AGBL4: variants seen among roughly 807,000 people sequenced by gnomAD.
The protein encoded by AGBL4 is AGBL carboxypeptidase 4.
Under a neutral mutation model 66.4 loss-of-function variants are expected in AGBL4, and 58 were observed. That is an observed-to-expected ratio of 0.87 (90% CI 0.71 to 1.09). AGBL4 has a LOEUF of 1.09. Ranked by LOEUF, AGBL4 falls within the 50% of genes least tolerant of loss-of-function variation. The probability of loss-of-function intolerance (pLI) is 0.00; values close to 1 mark genes in which losing one functional copy is unlikely to be tolerated. For missense variants in AGBL4, 579 were observed against 631.0 expected, an observed-to-expected ratio of 0.92 and a Z score of 0.88; for synonymous variants, 234 against 222.9, an observed-to-expected ratio of 1.05 and a Z score of -0.44.
chr1:48,624,435 C>A (rs1189034364), intron 9 of AGBL4, among the ~76,000 whole-genome samples: 1 of 152,144 alleles, frequency 6.6e-6, no homozygotes, highest in East Asian at 1.9e-4. Context: ...ATGAAAAAGA[C>A]ACAATTTTTG....
intron 5 of AGBL4, among the ~76,000 whole-genome samples, chr1:48,886,889 G>C (rs182652744): frequency 6.6e-6 from 1 of 152,248 alleles, no homozygotes; most frequent in Non-Finnish European, 1.5e-5. Flanking sequence ...CACCATATTA[G>C]CTTCCAGTCT....
chr1:49,845,816 C>G, intron 2 of AGBL4: 1 of 1,532,504 alleles, frequency 6.5e-7, no homozygotes, highest in East Asian at 2.3e-5. Flanking sequence ...CGGATGCACA[C>G]AGGAGAGAAG....
chr1:49,997,842 A>G (rs753853120), intron 1 of AGBL4, among the ~76,000 whole-genome samples: 27 of 152,306 alleles, frequency 1.8e-4, no homozygotes, highest in Non-Finnish European at 3.5e-4. Flanking sequence ...GAAAATCAAA[A>G]TTATATCAAG....
chr1:48,802,157 G>T (rs1645824858), intron 6 of AGBL4, among the ~76,000 whole-genome samples: 1 of 152,168 alleles, frequency 6.6e-6, no homozygotes, highest in African/African-American at 2.4e-5. Context: ...CTTACCACTT[G>T]CTTCTCCTTA....
chr1:48,616,866 TG>T (rs1235258944), intron 9 of AGBL4, among the ~76,000 whole-genome samples: 1 of 152,242 alleles, frequency 6.6e-6, no homozygotes, highest in Admixed American at 6.5e-5. Flanking sequence ...ACATGCTCCC[TG>T]GGTCCTTCGT....
intron 4 of AGBL4, among the ~76,000 whole-genome samples, chr1:49,120,852 T>A (rs966436898): frequency 3.3e-5 from 5 of 152,206 alleles, no homozygotes; most frequent in Non-Finnish European, 1.5e-5. Context: ...CAATCCAACA[T>A]AGATTTGGTC....
chr1:48,964,318 C>T (rs575955696), intron 5 of AGBL4, among the ~76,000 whole-genome samples: 1 of 151,832 alleles, frequency 6.6e-6, no homozygotes, highest in South Asian at 2.1e-4. Flanking sequence ...CTTGGTTTAT[C>T]CAAATCTGTG....
intron 3 of AGBL4, among the ~76,000 whole-genome samples, chr1:49,374,978 CTT>C (rs1644442364): frequency 6.6e-6 from 1 of 152,032 alleles, no homozygotes; most frequent in Non-Finnish European, 1.5e-5. Flanking sequence ...ATTTCTATTG[CTT>C]TACCTTTGAC....
intron 3 of AGBL4, among the ~76,000 whole-genome samples, chr1:49,342,576 A>G (rs1477721822): frequency 6.6e-6 from 1 of 152,122 alleles, no homozygotes; most frequent in African/African-American, 2.4e-5. Flanking sequence ...TAAGGCCTAA[A>G]AGTTATCTTG....
At chr1:48,949,103 C>G (rs985541846) in intron 5 of AGBL4, among the ~76,000 whole-genome samples, 1 of 152,148 alleles carries the variant, frequency 6.6e-6, no homozygotes, top group African/African-American at 2.4e-5. Flanking sequence ...CCCTTGCCCA[C>G]TTCAAGTATC....
At chr1:48,822,025 A>G (rs1349733669) in intron 6 of AGBL4, among the ~76,000 whole-genome samples, 1 of 152,130 alleles carries the variant, frequency 6.6e-6, no homozygotes, top group African/African-American at 2.4e-5. Context: ...ACTACTAAAC[A>G]CTCACTGGAG....
intron 6 of AGBL4, among the ~76,000 whole-genome samples, chr1:48,849,338 G>A (rs114040410): frequency 0.012 from 1,783 of 152,262 alleles, 32 homozygotes; most frequent in African/African-American, 0.041. Flanking sequence ...TATATTGGCC[G>A]ATGTTTCAAC....
chr1:48,704,379 C>G (rs1646849526), intron 6 of AGBL4, among the ~76,000 whole-genome samples: 1 of 152,148 alleles, frequency 6.6e-6, no homozygotes, highest in Non-Finnish European at 1.5e-5. Context: ...AAATATTTTT[C>G]TTTTTCAATA....
At chr1:48,999,757 T>C (rs1661265542) in intron 5 of AGBL4, among the ~76,000 whole-genome samples, 1 of 152,082 alleles carries the variant, frequency 6.6e-6, no homozygotes, top group Non-Finnish European at 1.5e-5. Flanking sequence ...CCAAATATGA[T>C]TAAGACTGTC....
chr1:49,056,130 T>C (rs1183551094), intron 4 of AGBL4, among the ~76,000 whole-genome samples: 2 of 152,122 alleles, frequency 1.3e-5, no homozygotes, highest in African/African-American at 4.8e-5. Flanking sequence ...CTGAGTTAAC[T>C]TTAACTCTCT....
intron 2 of AGBL4, among the ~76,000 whole-genome samples, chr1:49,702,043 A>C (rs1202973697): frequency 2.0e-5 from 3 of 152,180 alleles, no homozygotes. Flanking sequence ...CTGGAAAGAC[A>C]ACAAACAAAG....
chr1:49,368,729 T>C (rs897346399), intron 3 of AGBL4, among the ~76,000 whole-genome samples: 34 of 152,304 alleles, frequency 2.2e-4, no homozygotes, highest in Admixed American at 6.5e-4. Flanking sequence ...TTGCTATGCA[T>C]TGGATATTTT....
chr1:49,267,451 C>A (rs994415746), intron 3 of AGBL4, among the ~76,000 whole-genome samples: 1 of 152,066 alleles, frequency 6.6e-6, no homozygotes, highest in Non-Finnish European at 1.5e-5. Flanking sequence ...GAGGCCAAAG[C>A]GGGCAGATCA....
At chr1:50,021,528 C>T (rs1662441238) in intron 1 of AGBL4, among the ~76,000 whole-genome samples, 1 of 152,162 alleles carries the variant, frequency 6.6e-6, no homozygotes, top group South Asian at 2.1e-4. Context: ...ATAATGGCAC[C>T]ACTAACTATC....
Sources: allele counts gnomAD v4.1 joint callset (sites outside exome capture counted in the v4.1 genomes callset), GRCh38; gene constraint gnomAD v4.1.1; transcripts MANE v1.5; gene names NCBI Gene and HGNC (gene_info 2026-07-23, HGNC 2026-07-21).